The following COL25A1 variants were observed in gnomAD, a reference collection of about 807,000 sequenced individuals.
The protein encoded by COL25A1 is collagen type XXV alpha 1 chain.
In COL25A1, 103 loss-of-function variants were observed where a neutral mutation model predicts 128.4. That is an observed-to-expected ratio of 0.80 (90% CI 0.68 to 0.94). COL25A1 has a LOEUF of 0.94. Among genes scored for constraint, COL25A1 ranks in the 40% least tolerant of loss-of-function variants. The pLI is 0.00. For missense variants in COL25A1, 745 were observed against 840.0 expected, an observed-to-expected ratio of 0.89 and a Z score of 1.40; for synonymous variants, 279 against 277.2, an observed-to-expected ratio of 1.01 and a Z score of -0.06.
intron 3 of COL25A1, among the ~76,000 whole-genome samples, chr4:109,175,284 C>A (rs1215706182): frequency 3.3e-5 from 5 of 152,192 alleles, no homozygotes; most frequent in African/African-American, 1.2e-4. Context: ...TAGTTTGTGC[C>A]AAACCCAAAC....
At chr4:109,269,266 T>C (rs1297943) in intron 3 of COL25A1, among the ~76,000 whole-genome samples, 15,857 of 143,964 alleles carry the variant, frequency 0.11, 1,533 homozygotes, top group African/African-American at 0.31. Context: ...ATGAACGCAT[T>C]ATTTTTTATG....
At chr4:109,164,055 A>G (rs1371832272) in intron 3 of COL25A1, among the ~76,000 whole-genome samples, 6 of 151,590 alleles carry the variant, frequency 4.0e-5, no homozygotes, top group African/African-American at 1.4e-4. Context: ...TTTTTTTTTT[A>G]AGAAGTGCTT....
chr4:109,296,142 A>C (rs1293791117), intron 3 of COL25A1, among the ~76,000 whole-genome samples: 1 of 152,060 alleles, frequency 6.6e-6, no homozygotes, highest in Non-Finnish European at 1.5e-5. Flanking sequence ...TTTGTTTCAC[A>C]TGGGGTAAGT....
At chr4:109,156,963 A>G (rs1321525606) in intron 3 of COL25A1, among the ~76,000 whole-genome samples, 2 of 152,204 alleles carry the variant, frequency 1.3e-5, no homozygotes, top group Admixed American at 1.3e-4. Flanking sequence ...AACTATCTAT[A>G]ATATCTAAAG....
intron 3 of COL25A1, among the ~76,000 whole-genome samples, chr4:109,155,898 C>G (rs1341975941): frequency 6.6e-6 from 1 of 152,104 alleles, no homozygotes; most frequent in Non-Finnish European, 1.5e-5. Flanking sequence ...GAGAACAAAG[C>G]AGAAGTAAGG....
intron 13 of COL25A1, 100 bp downstream of exon 13, chr4:108,918,072 T>C: frequency 1.8e-6 from 1 of 556,846 alleles, no homozygotes. Flanking sequence ...AGTGTTTTTA[T>C]AAGCATATAA....
At position 108,824,230 on chromosome 4, in the gene COL25A1, G is replaced by C. The variant is rs1269593975; in HGVS notation, c.1792-3C>G. ...TCACCCCGTGGACCAGGGAAGCCCT[G>C]TAAGATAAAAAGCAAACCAAAAAGA... is the stretch of plus-strand genomic sequence containing the variant. On this transcript the variant is annotated splice_polypyrimidine_tract_variant and splice_region_variant and intron_variant, in intron 34 of 37. Coordinates refer to ENST00000399132, the MANE Select transcript of COL25A1 (RefSeq NM_198721.4). The C allele has an allele frequency of 1.9e-6, 3 of 1,604,356 alleles. No homozygotes were observed. The highest frequency in any genetic ancestry group is 1.7e-5 in the Admixed American group (1 of 57,724).
chr4:109,155,110 T>G (rs1192856720), intron 3 of COL25A1, among the ~76,000 whole-genome samples: 1 of 152,190 alleles, frequency 6.6e-6, no homozygotes, highest in East Asian at 1.9e-4. Flanking sequence ...GATTAAATAT[T>G]CCCTTTTTAA....
chr4:108,937,676 C>T (rs1424339563), intron 11 of COL25A1, 132 bp downstream of exon 11: 4 of 664,436 alleles, frequency 6.0e-6, no homozygotes, highest in Non-Finnish European at 9.9e-6. Flanking sequence ...GGCCATATTA[C>T]TTTTAACTTT....
At chr4:109,224,588 T>A (rs1019509736) in intron 3 of COL25A1, among the ~76,000 whole-genome samples, 11 of 152,140 alleles carry the variant, frequency 7.2e-5, no homozygotes, top group African/African-American at 2.7e-4. Flanking sequence ...ATGATAGAAA[T>A]TCTTGTTTCT....
At chr4:109,196,124 A>C (rs1776021652) in intron 3 of COL25A1, among the ~76,000 whole-genome samples, 1 of 152,214 alleles carries the variant, frequency 6.6e-6, no homozygotes, top group Non-Finnish European at 1.5e-5. Context: ...TGCGCTGTAC[A>C]CAAGTGGCTG....
intron 3 of COL25A1, among the ~76,000 whole-genome samples, chr4:109,261,754 G>A (rs1423554794): frequency 6.6e-6 from 1 of 151,102 alleles, no homozygotes; most frequent in African/African-American, 2.4e-5. Flanking sequence ...CTGGAGTGCA[G>A]TGGCATGATC....
chr4:109,048,268 T>C (rs1760641918), intron 4 of COL25A1, 93 bp from the exon 5 acceptor site: 2 of 1,224,452 alleles, frequency 1.6e-6, no homozygotes. Flanking sequence ...AGCATAATCA[T>C]CAGCATGACA....
intron 16 of COL25A1, among the ~76,000 whole-genome samples, chr4:108,892,754 G>A (rs1741665228): frequency 6.6e-6 from 1 of 152,100 alleles, no homozygotes; most frequent in Non-Finnish European, 1.5e-5. Flanking sequence ...GCAAATGCAT[G>A]GCTATCAAAG....
chr4:108,908,035 T>C (rs1261071790), intron 13 of COL25A1, among the ~76,000 whole-genome samples: 2 of 152,220 alleles, frequency 1.3e-5, no homozygotes, highest in South Asian at 2.1e-4. Context: ...TTGTTGCTGC[T>C]CTTGTTGTTG....
intron 19 of COL25A1, among the ~76,000 whole-genome samples, chr4:108,877,478 A>G (rs927841237): frequency 6.6e-6 from 1 of 152,220 alleles, no homozygotes; most frequent in Non-Finnish European, 1.5e-5. Flanking sequence ...TGTAAACTAC[A>G]GAAGATTTAG....
chr4:109,288,962 TACACACACACACACACACACACAC>T (rs3079876), intron 3 of COL25A1, among the ~76,000 whole-genome samples: 63 of 133,532 alleles, frequency 4.7e-4, no homozygotes, highest in African/African-American at 1.7e-3. Context: ...AAATTATATA[TACACACACACACACACACACACAC>T]ACACACACAC....
At chr4:108,897,178 A>T (rs1723796872) in intron 15 of COL25A1, among the ~76,000 whole-genome samples, 1 of 152,120 alleles carries the variant, frequency 6.6e-6, no homozygotes. Flanking sequence ...CAAAATCTCC[A>T]GGGCCTCAAA....
At chr4:108,910,845 G>A (rs1744122555) in intron 13 of COL25A1, among the ~76,000 whole-genome samples, 1 of 152,202 alleles carries the variant, frequency 6.6e-6, no homozygotes. Flanking sequence ...ATACATTTTA[G>A]TAATTATGAT....
Sources: allele counts gnomAD v4.1 joint callset (sites outside exome capture counted in the v4.1 genomes callset), GRCh38; gene constraint gnomAD v4.1.1; transcripts MANE v1.5; gene names NCBI Gene and HGNC (gene_info 2026-07-23, HGNC 2026-07-21).